The following DYNC1H1 variants were observed in gnomAD, a reference collection of about 807,000 sequenced individuals.
The protein encoded by DYNC1H1 is dynein cytoplasmic 1 heavy chain 1.
DYNC1H1 carries 51 observed loss-of-function variants against 527.1 expected under a neutral mutation model. The observed-to-expected ratio is 0.10, with a 90% CI of 0.08 to 0.12. DYNC1H1 has a LOEUF of 0.12. Ranked by LOEUF, DYNC1H1 falls within the 10% of genes least tolerant of loss-of-function variation. DYNC1H1 has a pLI of 1.00. For missense variants in DYNC1H1, 2,771 were observed against 5,971.8 expected, an observed-to-expected ratio of 0.46 and a Z score of 17.66; for synonymous variants, 2,189 against 2,278.8, an observed-to-expected ratio of 0.96 and a Z score of 1.12.
chr14:102,027,766 T>C lies in DYNC1H1; in HGVS notation c.9196T>C (p.Phe3066Leu). 1 of 1,614,172 alleles carries C rather than the reference T, an allele frequency of 6.2e-7. No individual in the cohort carries two copies. Among genetic ancestry groups the C allele is most frequent in the East Asian group, 2.2e-5 (1 of 44,880 alleles). ...GGTTATCCGCAACCTCCACGTCGTGTTCACCATGAACCCGTCCTCGGAGGG... is the reference window on the plus strand; with the variant it reads ...GGTTATCCGCAACCTCCACGTCGTGCTCACCATGAACCCGTCCTCGGAGGG... ...SQVIRNLHVV[F>L]TMNPSSEGLK... Residue 3066 changes from phenylalanine to leucine, a missense_variant, in exon 47 of 78, where the codon TTC becomes CTC. Physicochemically the swap from Phe to Leu is conservative, Grantham distance 22 (BLOSUM62 0). Transcript: ENST00000360184. The surrounding 1 kb of genome is among the most constrained non-coding windows in gnomAD (Gnocchi z 7.7).
Position 102,048,592 on chromosome 14 carries a change from C to T in DYNC1H1, c.13295C>T (p.Ala4432Val). Reference sequence around the variant, plus strand: ...CTTCAGGACGTTCGCCAGGACCTTGCAGATGTCGTCCAGGTGTGCGAAGGA... The same window carrying T: ...CTTCAGGACGTTCGCCAGGACCTTGTAGATGTCGTCCAGGTGTGCGAAGGA... ...KLLQDVRQDL[A>V]DVVQVCEGKK... Residue 4432 changes from alanine (A) to valine (V), a missense_variant, in exon 74 of 78, where the codon GCA becomes GTA. Ala to Val is a moderately conservative substitution (Grantham distance 64). Coordinates refer to ENST00000360184, the MANE Select transcript of DYNC1H1 (RefSeq NM_001376.5). The T allele has an allele frequency of 1.9e-6, 3 of 1,614,192 alleles. No individual in the cohort carries two copies. The highest frequency in any genetic ancestry group is 2.5e-6 in the Non-Finnish European group (3 of 1,180,044).
At chr14:101,977,177 G>A (rs1308838438) in intron 2 of DYNC1H1, among the ~76,000 whole-genome samples, 2 of 152,140 alleles carry the variant, frequency 1.3e-5, no homozygotes, top group Non-Finnish European at 1.5e-5. Flanking sequence ...TAGTTCACAT[G>A]CAAAACATCA....
At chr14:102,003,645 A>G (rs1186747726) in intron 23 of DYNC1H1, among the ~76,000 whole-genome samples, 1 of 152,202 alleles carries the variant, frequency 6.6e-6, no homozygotes. Context: ...AAATGAGTTA[A>G]TAGGCCGGGC....
At chr14:101,993,632 A>T (rs890602267) in intron 11 of DYNC1H1, among the ~76,000 whole-genome samples, 1 of 151,952 alleles carries the variant, frequency 6.6e-6, no homozygotes, top group African/African-American at 2.4e-5. Flanking sequence ...GCAAATAATC[A>T]CAACTTACCC....
chr14:101,992,805 G>A (rs2048012978), intron 11 of DYNC1H1, among the ~76,000 whole-genome samples: 1 of 152,038 alleles, frequency 6.6e-6, no homozygotes, highest in Non-Finnish European at 1.5e-5. Context: ...TGATGCTCTG[G>A]ACTCTTCAGA....
chr14:102,038,305 T>C lies in DYNC1H1; in HGVS notation c.10909-155T>C. 2 of 1,254,422 alleles carry C rather than the reference T, an allele frequency of 1.6e-6. No individual in the cohort carries two copies. The highest frequency in any genetic ancestry group is 2.2e-6 in the Non-Finnish European group (2 of 891,374). 77.7% of individuals were successfully genotyped at this position (1,254,422 alleles called of 1,614,324 possible). ...AGTTTTTAATTTTAGTTCATTTAAATGTAAGTAGCCACACATAGCTAGTGG... is the reference window on the plus strand; with the variant it reads ...AGTTTTTAATTTTAGTTCATTTAAACGTAAGTAGCCACACATAGCTAGTGG... On this transcript the variant is annotated intron_variant, in intron 57 of 77. Coordinates refer to ENST00000360184, the MANE Select transcript of DYNC1H1 (RefSeq NM_001376.5). The surrounding 1 kb of genome is among the most constrained non-coding windows in gnomAD (Gnocchi z 7.2).
At chr14:101,989,352 A>G (rs2047970555) in intron 10 of DYNC1H1, among the ~76,000 whole-genome samples, 1 of 152,228 alleles carries the variant, frequency 6.6e-6, no homozygotes. Context: ...GTCTCAGTTC[A>G]CATCCCCGGG....
rs779920898 is a variant in DYNC1H1, at chr14:102,039,377, G to A, written c.11461-35G>A. ...GCAGAAGTTCAGCGGGGTGCCGAGG[G>A]AGCTGCCTCACCGCTGCCCACTGCT... On this transcript the variant is annotated intron_variant, in intron 60 of 77. Coordinates refer to ENST00000360184, the MANE Select transcript of DYNC1H1 (RefSeq NM_001376.5). This position sits in a 1 kb window ranked among gnomAD's most constrained non-coding sequence, Gnocchi z 7.0. The A allele has an allele frequency of 6.2e-7, 1 of 1,614,184 alleles. No individual in the cohort carries two copies. The highest frequency in any genetic ancestry group is 1.1e-5 in the South Asian group (1 of 91,072).
chr14:102,007,682 C>T (rs2048212601), intron 28 of DYNC1H1, among the ~76,000 whole-genome samples: 1 of 152,042 alleles, frequency 6.6e-6, no homozygotes, highest in South Asian at 2.1e-4. Flanking sequence ...TGTGACTTGC[C>T]CAAGGCCAAG....
chr14:102,009,570 G>A (rs1156815331), intron 29 of DYNC1H1: 3 of 470,348 alleles, frequency 6.4e-6, no homozygotes, highest in Non-Finnish European at 7.8e-6. Context: ...TGACACTCAG[G>A]TGTGGTGTTG....
At position 102,011,505 on chromosome 14, in the gene DYNC1H1, C is replaced by T; in HGVS notation, c.6619-370C>T. 2.8e-6 allele frequency: 1 copy of T among 353,938 alleles called. No homozygotes were observed. The highest frequency in any genetic ancestry group is 5.5e-6 in the Non-Finnish European group (1 of 181,820). 21.9% of individuals were successfully genotyped at this position (353,938 alleles called of 1,614,324 possible). On this transcript the variant is annotated intron_variant, in intron 32 of 77. Transcript: ENST00000360184. The surrounding 1 kb of genome is among the most constrained non-coding windows in gnomAD (Gnocchi z 5.3). ...GTGTCTCCTGTCCCACTGGCTCCAG[C>T]CTTCCTGACTTACTAAAGAACTCGC...
At chr14:101,978,452 C>T (rs1026553748) in intron 2 of DYNC1H1, among the ~76,000 whole-genome samples, 1 of 152,090 alleles carries the variant, frequency 6.6e-6, no homozygotes, top group Non-Finnish European at 1.5e-5. Flanking sequence ...GGATTACAGG[C>T]GTGAACCACC....
chr14:102,047,074 C>T (rs926643388), intron 72 of DYNC1H1, among the ~76,000 whole-genome samples: 4 of 140,690 alleles, frequency 2.8e-5, no homozygotes, highest in Non-Finnish European at 4.8e-5. Context: ...GGACTGTGGG[C>T]GTGAGCCACT....
intron 10 of DYNC1H1, among the ~76,000 whole-genome samples, chr14:101,989,221 C>G (rs1051127276): frequency 2.0e-5 from 3 of 152,152 alleles, no homozygotes; most frequent in Non-Finnish European, 4.4e-5. Context: ...AGGAAAAAAA[C>G]TACACTGGAA....
At chr14:101,996,076 A>G (rs2141281879) in intron 15 of DYNC1H1, among the ~76,000 whole-genome samples, 1 of 151,928 alleles carries the variant, frequency 6.6e-6, no homozygotes, top group South Asian at 2.1e-4. Context: ...AAAACTAAAT[A>G]AATAATGAAA....
At chr14:101,984,425 GTGTGTGTA>G (rs1478515415) in intron 7 of DYNC1H1, among the ~76,000 whole-genome samples, 9 of 123,746 alleles carry the variant, frequency 7.3e-5, no homozygotes, top group Non-Finnish European at 1.3e-4. Context: ...GTGTGTGTGT[GTGTGTGTA>G]TATATATATA....
At position 102,038,881 on chromosome 14, in the gene DYNC1H1, G is replaced by A; in HGVS notation, c.11206+33G>A. The A allele has an allele frequency of 6.2e-7, 1 of 1,614,052 alleles. No individual in the cohort carries two copies. The highest frequency in any genetic ancestry group is 8.5e-7 in the Non-Finnish European group (1 of 1,180,030). On this transcript the variant is annotated intron_variant, in intron 59 of 77. Coordinates refer to ENST00000360184, the MANE Select transcript of DYNC1H1 (RefSeq NM_001376.5). This position sits in a 1 kb window ranked among gnomAD's most constrained non-coding sequence, Gnocchi z 7.2. ...CTGGACCTGTGGCTTTTAGATGGTTGGTGCAGGGGAAGGGGCTGAACTTTT... is the reference window on the plus strand; with the variant it reads ...CTGGACCTGTGGCTTTTAGATGGTTAGTGCAGGGGAAGGGGCTGAACTTTT...
chr14:102,004,869 G>C lies in DYNC1H1; in HGVS notation c.5157G>C (p.Glu1719Asp). The C allele has an allele frequency of 6.2e-7, 1 of 1,614,232 alleles. No individual in the cohort carries two copies. The highest frequency in any genetic ancestry group is 1.1e-5 in the South Asian group (1 of 91,092). Reference sequence around the variant, plus strand: ...TCACCCTGGCCAAACTGCTTGCTGAGTCTGTTACGGAAGTTGAGATTTTTG... The same window carrying C: ...TCACCCTGGCCAAACTGCTTGCTGACTCTGTTACGGAAGTTGAGATTTTTG... ...MRVTLAKLLA[E>D]SVTEVEIFGK... The change falls in exon 25 of 78, where the codon GAG becomes GAC. Residue 1719 changes from glutamate to aspartate, a missense_variant. This residue lies in a region of DYNC1H1 where 105 missense variants were observed against 138.1 expected (regional missense o/e 0.76). Coordinates refer to ENST00000360184, the MANE Select transcript of DYNC1H1 (RefSeq NM_001376.5).
chr14:102,005,768 A>G lies in DYNC1H1; in HGVS notation c.5434-120A>G. 1 of 1,268,244 alleles carries G rather than the reference A, an allele frequency of 7.9e-7. No homozygotes were observed. Among genetic ancestry groups the G allele is most frequent in the Non-Finnish European group, 1.1e-6 (1 of 878,850 alleles). The allele number at this position is 1,268,244 out of a possible 1,614,324, so 78.6% of individuals were successfully genotyped here. A position where few individuals can be genotyped will look rare whatever the true frequency, so the allele number is the denominator to read the frequency against. ...AGTGAATTTGCCTTTTGGAACATTT[A>G]CTGAAAGCCATTGTAACTGGACCTA... On this transcript the variant is annotated intron_variant, in intron 26 of 77. Coordinates refer to ENST00000360184, the MANE Select transcript of DYNC1H1 (RefSeq NM_001376.5). This position sits in a 1 kb window ranked among gnomAD's most constrained non-coding sequence, Gnocchi z 4.0.
Sources: allele counts gnomAD v4.1 joint callset (sites outside exome capture counted in the v4.1 genomes callset), GRCh38; gene constraint gnomAD v4.1.1; regional missense constraint gnomAD v4.1.1; non-coding constraint Gnocchi (gnomAD v3.1); transcripts MANE v1.5; gene names NCBI Gene and HGNC (gene_info 2026-07-23, HGNC 2026-07-21).